Variants in PPP2R2D observed in about 807,000 individuals in gnomAD.
The protein encoded by PPP2R2D is protein phosphatase 2 regulatory subunit Bdelta, also known as serine/threonine-protein phosphatase 2A 55 kDa regulatory subunit B delta isoform.
A neutral mutation model predicts 31.1 loss-of-function variants in PPP2R2D; 9 were observed. The ratio of observed to expected loss-of-function variants is 0.29; its 90% CI spans 0.17 to 0.51. The LOEUF (loss-of-function observed/expected upper bound fraction) is 0.51. Among genes scored for constraint, PPP2R2D ranks in the 20% least tolerant of loss-of-function variants. The pLI is 0.98. For missense variants in PPP2R2D, 391 were observed against 465.6 expected (o/e 0.84, Z 1.48); for synonymous variants, 179 against 172.6 (o/e 1.04, Z -0.29).
At chr10:131,948,894 GT>G (rs1554898442) in intron 8 of PPP2R2D, among the ~76,000 whole-genome samples, 6 of 152,244 alleles carry the variant, frequency 3.9e-5, no homozygotes, top group Non-Finnish European at 7.3e-5. Flanking sequence ...CCAAAGGGCA[GT>G]TTGTCTGTCT....
At chr10:131,961,285 T>A (rs1047151194), downstream of PPP2R2D, among the ~76,000 whole-genome samples, 1 of 152,174 alleles carries the variant, frequency 6.6e-6, no homozygotes, top group African/African-American at 2.4e-5. Flanking sequence ...GACAGTGGGC[T>A]TCTCTGCACA....
intron 2 of PPP2R2D, among the ~76,000 whole-genome samples, chr10:131,931,982 C>T (rs1266987711): frequency 6.6e-6 from 1 of 151,924 alleles, no homozygotes; most frequent in Admixed American, 6.6e-5. Flanking sequence ...TGTGCCAGCC[C>T]CTTGCTGCCC....
At chr10:131,941,561 G>C (rs546513964) in intron 5 of PPP2R2D, among the ~76,000 whole-genome samples, 2 of 152,060 alleles carry the variant, frequency 1.3e-5, no homozygotes, top group African/African-American at 4.8e-5. Context: ...GCGGGGGGTG[G>C]GTGGTTGAGT....
chr10:131,947,720 C>A lies in PPP2R2D; in HGVS notation c.1011C>A (p.Ser337Arg), dbSNP rs782190671. 2 of 1,614,230 alleles carry A rather than the reference C, an allele frequency of 1.2e-6. No individual in the cohort carries two copies. The highest frequency in any genetic ancestry group is 3.3e-5 in the Admixed American group (2 of 60,026). Residue 337 changes from serine to arginine, a missense_variant, in exon 8 of 9, where the codon AGC (serine) becomes AGA (arginine). Ser to Arg is a moderately radical substitution (Grantham distance 110). Coordinates refer to ENST00000455566, the MANE Select transcript of PPP2R2D (RefSeq NM_018461.5). The surrounding 1 kb of genome is among the most constrained non-coding windows in gnomAD (Gnocchi z 4.3). ...ETHQVHEYLR[S>R]KLCSLYENDC... is the part of the protein sequence containing the mutation. ...ACCAGGTCCACGAGTACCTGCGCAG[C>A]AAGCTCTGCTCTCTCTATGAGAACG...
At chr10:131,962,695 C>A (rs1177027871), downstream of PPP2R2D, among the ~76,000 whole-genome samples, 1 of 152,164 alleles carries the variant, frequency 6.6e-6, no homozygotes, top group Admixed American at 6.5e-5. Flanking sequence ...CCAGTCAGAA[C>A]TGGCAGGGGC....
rs1283374940 is a variant in PPP2R2D, at chr10:131,957,376, T to G, written c.*1413T>G. 7.3e-5 allele frequency: 12 copies of G among 163,344 alleles called. No homozygotes were observed. The highest frequency in any genetic ancestry group is 4.4e-4 in the East Asian group (2 of 4,548). 10.1% of individuals were successfully genotyped at this position (163,344 alleles called of 1,614,324 possible). On this transcript the variant is annotated 3_prime_UTR_variant, in exon 9 of 9. Coordinates refer to ENST00000455566, the MANE Select transcript of PPP2R2D (RefSeq NM_018461.5). ...CCCCTGTGCCCTGTGGAGATGGAGG[T>G]GTGTGCTGCTCCCTCGTGCCCCTGT...
chr10:131,906,691 T>A (rs949354480), intron 2 of PPP2R2D, among the ~76,000 whole-genome samples: 1 of 151,002 alleles, frequency 6.6e-6, no homozygotes, highest in African/African-American at 2.4e-5. Flanking sequence ...GAGGCCAAGA[T>A]GGCAGGATCC....
At chr10:131,910,169 G>A (rs1175580524) in intron 2 of PPP2R2D, among the ~76,000 whole-genome samples, 2 of 152,182 alleles carry the variant, frequency 1.3e-5, no homozygotes, top group Non-Finnish European at 2.9e-5. Context: ...AGTCAGTGAC[G>A]TTTCTGTACT....
intron 2 of PPP2R2D, among the ~76,000 whole-genome samples, chr10:131,931,751 T>C (rs1206567047): frequency 3.9e-5 from 6 of 152,258 alleles, no homozygotes; most frequent in African/African-American, 1.4e-4. Flanking sequence ...GCCTGGGCTT[T>C]TCAGCTGGCA....
intron 2 of PPP2R2D, among the ~76,000 whole-genome samples, chr10:131,908,858 A>G: frequency 6.6e-6 from 1 of 152,348 alleles, no homozygotes; most frequent in South Asian, 2.1e-4. Flanking sequence ...AGGGTAATGC[A>G]GGGGCCAGCT....
At position 131,927,851 on chromosome 10, in the gene PPP2R2D, C is replaced by T. The variant is rs183619247; in HGVS notation, c.101-6607C>T. Among the ~76,000 whole-genome samples, 5 of 152,324 alleles carry T rather than the reference C, an allele frequency of 3.3e-5. No individual in the cohort carries two copies. In the East Asian group the frequency reaches 9.6e-4, roughly 29 times the overall value. The stretch of plus-strand genomic sequence containing the variant: ...TGCCACAGTTTATGCATCTTTTCTA[C>T]TCTTGACGGACATTTGAGTTGATTC... On this transcript the variant is annotated intron_variant, in intron 2 of 8. Coordinates refer to ENST00000455566, the MANE Select transcript of PPP2R2D (RefSeq NM_018461.5).
intron 2 of PPP2R2D, among the ~76,000 whole-genome samples, chr10:131,925,596 T>G (rs1589938829): frequency 1.3e-5 from 2 of 152,220 alleles, no homozygotes; most frequent in Non-Finnish European, 2.9e-5. Context: ...AAACTTTTTT[T>G]TAGTGCTTAA....
chr10:131,956,368 G>A lies in PPP2R2D; in HGVS notation c.*405G>A. 5.1e-6 allele frequency: 5 copies of A among 987,048 alleles called. No individual in the cohort carries two copies. The highest frequency in any genetic ancestry group is 6.0e-6 in the Non-Finnish European group (5 of 831,076). The allele number at this position is 987,048 out of a possible 1,614,324, so 61.1% of individuals were successfully genotyped here. A position where few individuals can be genotyped will look rare whatever the true frequency, so the allele number is the denominator to read the frequency against. On this transcript the variant is annotated 3_prime_UTR_variant, in exon 9 of 9. Coordinates refer to ENST00000455566, the MANE Select transcript of PPP2R2D (RefSeq NM_018461.5). ...CCATCACACTTGGGCCTTCACTGCA[G>A]CGTGGTGTGGCCACCGTCCGTGTCC...
At chr10:131,954,485 A>G (rs1554899603) in intron 8 of PPP2R2D, among the ~76,000 whole-genome samples, 2 of 152,236 alleles carry the variant, frequency 1.3e-5, no homozygotes, top group African/African-American at 4.8e-5. Flanking sequence ...CTGTTCCAAG[A>G]CCACGTGCAC....
At chr10:131,932,571 A>G (rs1019722790) in intron 2 of PPP2R2D, among the ~76,000 whole-genome samples, 2 of 148,506 alleles carry the variant, frequency 1.3e-5, no homozygotes, top group East Asian at 4.0e-4. Context: ...GGAGGCTGAG[A>G]CATGAGAATC....
chr10:131,918,088 GTGTT>G (rs201548029), intron 2 of PPP2R2D, among the ~76,000 whole-genome samples: 1 of 147,026 alleles, frequency 6.8e-6, no homozygotes, highest in African/African-American at 2.5e-5. Context: ...GAGTGACACA[GTGTT>G]TGTAGGGACC....
chr10:131,918,980 GTGTT>G (rs1429414693), intron 2 of PPP2R2D, among the ~76,000 whole-genome samples: 47 of 142,248 alleles, frequency 3.3e-4, no homozygotes, highest in South Asian at 2.9e-3. Flanking sequence ...GAATGACACA[GTGTT>G]TGTAGGGACC....
At chr10:131,960,973 G>A (rs1363431654), downstream of PPP2R2D, among the ~76,000 whole-genome samples, 4 of 152,034 alleles carry the variant, frequency 2.6e-5, no homozygotes, top group African/African-American at 7.2e-5. Context: ...GGCTGTAGCC[G>A]CATCTTCTGT....
chr10:131,936,542 C>T (rs958822821), intron 3 of PPP2R2D, among the ~76,000 whole-genome samples: 2 of 152,164 alleles, frequency 1.3e-5, no homozygotes, highest in African/African-American at 4.8e-5. Context: ...GTAGCGATAG[C>T]CTTAGGGAAG....
Sources: gnomAD v4.1 joint callset for allele counts (sites outside exome capture counted in the v4.1 genomes callset) on GRCh38, gnomAD v4.1.1 for gene constraint, Gnocchi (gnomAD v3.1) non-coding constraint, MANE v1.5 for transcripts, NCBI Gene and HGNC (gene_info 2026-07-23, HGNC 2026-07-21) for gene names.